Variants in C3orf70 observed in about 807,000 individuals in gnomAD.
C3orf70 encodes the protein chromosome 3 open reading frame 70.
In C3orf70, 15 loss-of-function variants were observed where a neutral mutation model predicts 20.7. The ratio of observed to expected loss-of-function variants is 0.72; its 90% CI spans 0.48 to 1.11. The LOEUF (loss-of-function observed/expected upper bound fraction) is 1.11, where lower values mean the gene tolerates loss of function less well. Ranked by LOEUF, C3orf70 falls within the 50% of genes most tolerant of loss-of-function variation. C3orf70 has a pLI of 0.00. For synonymous variants in C3orf70, 161 were observed against 125.7 expected, an observed-to-expected ratio of 1.28 and a Z score of -1.88; for missense variants, 332 against 317.6, an observed-to-expected ratio of 1.05 and a Z score of -0.34.
At chr3:185,141,801 A>AACACAC (rs66562532) in intron 1 of C3orf70, among the ~76,000 whole-genome samples, 2,032 of 146,442 alleles carry the variant, frequency 0.014, 44 homozygotes, top group African/African-American at 0.04. Context: ...ATGCAAAGGA[A>AACACAC]ACACACACAC....
In C3orf70 at chr3:185,081,850, G is replaced by C. The variant is rs775506432; in HGVS notation, c.*1157C>G. 5.9e-5 allele frequency: 9 copies of C among 152,584 alleles called. No individual in the cohort carries two copies. The highest frequency in any genetic ancestry group is 2.6e-4 in the Admixed American group (4 of 15,266). The allele number at this position is 152,584 out of a possible 1,614,324, so 9.5% of individuals were successfully genotyped here. ...CTTTTGCAGCTGCATAAAAATCCATGCATCACACTGAATTCTAATCCATTC... is the reference window on the plus strand; with the variant it reads ...CTTTTGCAGCTGCATAAAAATCCATCCATCACACTGAATTCTAATCCATTC... On this transcript the variant is annotated 3_prime_UTR_variant, in exon 2 of 2. Coordinates refer to ENST00000335012, the MANE Select transcript of C3orf70 (RefSeq NM_001025266.3).
chr3:185,130,621 C>A lies in C3orf70; in HGVS notation c.196+22007G>T, dbSNP rs1237345084. Among the ~76,000 whole-genome samples, 10 of 152,216 alleles carry A rather than the reference C, an allele frequency of 6.6e-5. No individual in the cohort carries two copies. In the East Asian group the frequency reaches 1.7e-3, roughly 26 times the overall value. On this transcript the variant is annotated intron_variant, in intron 1 of 1. Transcript: ENST00000335012. Reference sequence around the variant, plus strand: ...GGCCACAGCAGTCAATCCCTATTCTCCCCTTCCCTGGTCCATCGCAACCCC... The same window carrying A: ...GGCCACAGCAGTCAATCCCTATTCTACCCTTCCCTGGTCCATCGCAACCCC...
At chr3:185,127,764 G>C (rs1414301118) in intron 1 of C3orf70, among the ~76,000 whole-genome samples, 1 of 151,906 alleles carries the variant, frequency 6.6e-6, no homozygotes, top group Non-Finnish European at 1.5e-5. Context: ...TAATGTCCGA[G>C]TAAACCGACT....
At chr3:185,105,305 C>T (rs1433778954) in intron 1 of C3orf70, among the ~76,000 whole-genome samples, 1 of 152,192 alleles carries the variant, frequency 6.6e-6, no homozygotes, top group African/African-American at 2.4e-5. Flanking sequence ...GGTCATAACA[C>T]CCATGCTGGA....
At chr3:185,131,857 T>C (rs906095275) in intron 1 of C3orf70, among the ~76,000 whole-genome samples, 1 of 152,190 alleles carries the variant, frequency 6.6e-6, no homozygotes, top group African/African-American at 2.4e-5. Flanking sequence ...CCTACAGATA[T>C]TGTAAAAAGA....
At chr3:185,089,408 ACTT>A (rs1715519930) in intron 1 of C3orf70, among the ~76,000 whole-genome samples, 1 of 152,086 alleles carries the variant, frequency 6.6e-6, no homozygotes, top group Non-Finnish European at 1.5e-5. Context: ...TTGACTGAAG[ACTT>A]CTTTACTTTC....
At chr3:185,132,755 T>C (rs887374882) in intron 1 of C3orf70, among the ~76,000 whole-genome samples, 1 of 152,168 alleles carries the variant, frequency 6.6e-6, no homozygotes, top group African/African-American at 2.4e-5. Context: ...AGGACATCAA[T>C]GCACAGATTG....
chr3:185,150,550 C>G (rs183498854), intron 1 of C3orf70, among the ~76,000 whole-genome samples: 2,524 of 151,698 alleles, frequency 0.017, 72 homozygotes, highest in African/African-American at 0.057. Context: ...TAAAAAAAAA[C>G]AAAACAGCTC....
Position 185,080,806 on chromosome 3 carries a change from C to T in C3orf70, c.*2201G>A, listed in dbSNP as rs1715320491. The T allele has an allele frequency of 6.6e-6, 1 of 152,184 alleles. No individual in the cohort carries two copies. The highest frequency in any genetic ancestry group is 1.5e-5 in the Non-Finnish European group (1 of 68,054). 9.4% of individuals were successfully genotyped at this position (152,184 alleles called of 1,614,324 possible). ...AGCTCCTCATGCTCACACCTGCCTC[C>T]AACTGCCCTCTCCTGGGCCTTTCCT... is the stretch of plus-strand genomic sequence containing the variant. On this transcript the variant is annotated 3_prime_UTR_variant, in exon 2 of 2. Coordinates refer to ENST00000335012, the MANE Select transcript of C3orf70 (RefSeq NM_001025266.3).
intron 1 of C3orf70, among the ~76,000 whole-genome samples, chr3:185,125,619 T>C (rs1416410296): frequency 2.6e-5 from 4 of 152,228 alleles, no homozygotes; most frequent in South Asian, 4.2e-4. Context: ...AGCTGATGAA[T>C]GTTAAACAAA....
At chr3:185,131,044 C>A (rs1358161444) in intron 1 of C3orf70, among the ~76,000 whole-genome samples, 1 of 152,162 alleles carries the variant, frequency 6.6e-6, no homozygotes, top group African/African-American at 2.4e-5. Context: ...AAACTGTTTT[C>A]CAACGTGGTT....
intron 1 of C3orf70, among the ~76,000 whole-genome samples, chr3:185,103,681 T>C (rs1460425983): frequency 6.6e-6 from 1 of 152,082 alleles, no homozygotes; most frequent in Non-Finnish European, 1.5e-5. Context: ...GGAAAAATCA[T>C]TTAGGTAAAC....
chr3:185,079,306 T>TAAAAAAAAAAAAAAAAAAAAAAA lies in C3orf70; in HGVS notation c.*3700_*3701insTTTTTTTTTTTTTTTTTTTTTTT, dbSNP rs1321535800. On this transcript the variant is annotated 3_prime_UTR_variant, in exon 2 of 2. Coordinates refer to ENST00000335012, the MANE Select transcript of C3orf70 (RefSeq NM_001025266.3). ...AAAAAAAAAAAAAAAAAAAAAAAAG[T>TAAAAAAAAAAAAAAAAAAAAAAA]AAAGCCACCACTCCCAAGATAGAAT... 53 of 122,788 alleles carry TAAAAAAAAAAAAAAAAAAAAAAA rather than the reference T, an allele frequency of 4.3e-4. No homozygotes were observed. Among genetic ancestry groups the TAAAAAAAAAAAAAAAAAAAAAAA allele is most frequent in the Non-Finnish European group, 5.9e-4 (35 of 59,504 alleles). The allele number at this position is 122,788 out of a possible 1,614,324, so 7.6% of individuals were successfully genotyped here.
At chr3:185,152,520 G>A (rs760109296) in intron 1 of C3orf70, 108 bp downstream of exon 1, 10 of 988,544 alleles carry the variant, frequency 1.0e-5, no homozygotes, top group African/African-American at 3.4e-5. Context: ...GAGCAGCCCC[G>A]GCAGAGCCCG....
intron 1 of C3orf70, among the ~76,000 whole-genome samples, chr3:185,089,632 T>C (rs576130694): frequency 1.1e-4 from 16 of 152,306 alleles, no homozygotes; most frequent in Admixed American, 2.0e-4. Flanking sequence ...TATTATAGTA[T>C]CCAGTACCCA....
At chr3:185,118,126 C>CT (rs1179647513) in intron 1 of C3orf70, among the ~76,000 whole-genome samples, 2 of 152,140 alleles carry the variant, frequency 1.3e-5, no homozygotes, top group Admixed American at 1.3e-4. Context: ...GTCCCCAAGG[C>CT]AGTATTACAT....
chr3:185,115,733 T>G (rs1338452346), intron 1 of C3orf70, among the ~76,000 whole-genome samples: 3 of 152,024 alleles, frequency 2.0e-5, no homozygotes, highest in Admixed American at 2.0e-4. Context: ...ACAAAAGAGA[T>G]CTATTGTTTA....
intron 1 of C3orf70, among the ~76,000 whole-genome samples, chr3:185,128,804 ACT>A (rs1007235531): frequency 1.3e-5 from 2 of 152,042 alleles, no homozygotes; most frequent in Non-Finnish European, 2.9e-5. Context: ...CTTCTGTGAA[ACT>A]CTGTCTTCGC....
intron 1 of C3orf70, among the ~76,000 whole-genome samples, chr3:185,084,182 C>CAA (rs61480469): frequency 4.5e-5 from 5 of 112,144 alleles, no homozygotes; most frequent in African/African-American, 1.3e-4. Flanking sequence ...GACCCTGTCT[C>CAA]AAAAAAAAAA....
Sources: gnomAD v4.1 joint callset for allele counts (sites outside exome capture counted in the v4.1 genomes callset) on GRCh38, gnomAD v4.1.1 for gene constraint, MANE v1.5 for transcripts, NCBI Gene and HGNC (gene_info 2026-07-23, HGNC 2026-07-21) for gene names.